The following PLEKHA6 variants were observed in gnomAD, a reference collection of about 807,000 sequenced individuals.
The protein encoded by PLEKHA6 is pleckstrin homology domain containing A6, also known as pleckstrin homology domain-containing family A member 6.
A neutral mutation model predicts 116.7 loss-of-function variants in PLEKHA6; 60 were observed. The observed-to-expected ratio is 0.51, with a 90% confidence interval of 0.42 to 0.64. The LOEUF is 0.64. PLEKHA6 is among the 30% of genes least tolerant of loss of function. The probability of loss-of-function intolerance (pLI) is 0.00; values close to 1 mark genes in which losing one functional copy is unlikely to be tolerated. For missense variants in PLEKHA6, 1,338 were observed against 1,422.7 expected (o/e 0.94, Z 0.96); for synonymous variants, 489 against 556.1 (o/e 0.88, Z 1.70).
intron 1 of PLEKHA6, chr1:204,347,130 C>G (rs574170763): frequency 5.6e-4 from 633 of 1,125,136 alleles, no homozygotes; most frequent in Non-Finnish European, 7.8e-4. Context: ...TACCCATTCC[C>G]TTGATGTCTA....
chr1:204,376,237 A>T (rs2103424394), intron 1 of PLEKHA6, among the ~76,000 whole-genome samples: 1 of 152,304 alleles, frequency 6.6e-6, no homozygotes, highest in Admixed American at 6.5e-5. Context: ...AGAATGAACC[A>T]CTTCATCAGT....
intron 1 of PLEKHA6, chr1:204,309,607 C>T (rs766911797): frequency 2.3e-5 from 7 of 308,750 alleles, no homozygotes; most frequent in Non-Finnish European, 2.8e-5. Context: ...CTGTCATGTT[C>T]GCATGACAAC....
rs762214999 is a variant in PLEKHA6, at chr1:204,241,701, C to T, written c.2286G>A (p.Gln762=). Residue 762 remains glutamine (Q), a synonymous_variant, in exon 16 of 23, where the codon CAG becomes CAA. Transcript: ENST00000272203. ...AGAAAGTACCTTTGTTGAGAGCTGC[C>T]TGCTTCTCTGCCTCTACCTCTTGCC... The part of the protein sequence containing the change: ...PTRQEVEAEK[Q]AALNKVGVVP... 3 of 1,602,078 alleles carry T rather than the reference C, an allele frequency of 1.9e-6. No homozygotes were observed. The highest frequency in any genetic ancestry group is 1.1e-5 in the South Asian group (1 of 88,618).
chr1:204,327,384 C>A (rs1672279389), intron 1 of PLEKHA6, among the ~76,000 whole-genome samples: 1 of 152,140 alleles, frequency 6.6e-6, no homozygotes, highest in Admixed American at 6.5e-5. Context: ...GTCTCTAGTG[C>A]CCCACATGTG....
chr1:204,290,716 G>T (rs762495799), intron 1 of PLEKHA6, among the ~76,000 whole-genome samples: 1 of 152,148 alleles, frequency 6.6e-6, no homozygotes, highest in Admixed American at 6.5e-5. Flanking sequence ...CAGGCCAGGC[G>T]CAGTGGCTCA....
At chr1:204,282,705 A>G in intron 1 of PLEKHA6, 1 of 985,412 alleles carries the variant, frequency 1.0e-6, no homozygotes, top group Non-Finnish European at 1.2e-6. Context: ...TGCCATGGGC[A>G]GGCTGGGAGA....
chr1:204,313,447 G>A (rs1311625461), intron 1 of PLEKHA6: 3 of 416,778 alleles, frequency 7.2e-6, no homozygotes, highest in Non-Finnish European at 9.7e-6. Flanking sequence ...TGGCCTCGGG[G>A]ACTCCCTGAA....
intron 21 of PLEKHA6, among the ~76,000 whole-genome samples, chr1:204,227,718 T>C (rs553340254): frequency 6.6e-6 from 1 of 152,356 alleles, no homozygotes; most frequent in Non-Finnish European, 1.5e-5. Flanking sequence ...TCCCTGCAAC[T>C]GAGAAATATT....
At chr1:204,275,797 AGCCAGTGGAGGG>A in intron 1 of PLEKHA6, 4 of 724,956 alleles carry the variant, frequency 5.5e-6, no homozygotes, top group Non-Finnish European at 6.8e-6. Flanking sequence ...TCAAGCATTC[AGCCAGTGGAGGG>A]ACTAGATGAG....
intron 1 of PLEKHA6, chr1:204,282,579 A>G: frequency 1.1e-6 from 1 of 920,320 alleles, no homozygotes; most frequent in South Asian, 5.0e-5. Context: ...CCAGGCCAGC[A>G]TCCTTTCTGG....
chr1:204,319,306 A>G (rs1284569363), intron 1 of PLEKHA6, among the ~76,000 whole-genome samples: 13 of 152,206 alleles, frequency 8.5e-5, no homozygotes, highest in Admixed American at 7.9e-4. Flanking sequence ...TCCGTGTCCT[A>G]TTCACTGTCC....
intron 1 of PLEKHA6, among the ~76,000 whole-genome samples, chr1:204,288,398 C>G (rs539573470): frequency 6.6e-5 from 10 of 152,242 alleles, no homozygotes; most frequent in Non-Finnish European, 1.3e-4. Flanking sequence ...GGAGAGCCCT[C>G]TAGTCCCACC....
chr1:204,363,128 T>G (rs921229971), upstream of PLEKHA6, among the ~76,000 whole-genome samples: 9 of 152,288 alleles, frequency 5.9e-5, no homozygotes, highest in African/African-American at 2.2e-4. Flanking sequence ...CAGAACTGCT[T>G]TTGGTGGCTC....
chr1:204,340,841 C>T (rs1406092805), intron 1 of PLEKHA6, among the ~76,000 whole-genome samples: 1 of 152,204 alleles, frequency 6.6e-6, no homozygotes, highest in African/African-American at 2.4e-5. Flanking sequence ...ATCCCCGAAA[C>T]AGACTTACAC....
At chr1:204,282,669 G>T (rs1432996752) in intron 1 of PLEKHA6, 22 of 985,370 alleles carry the variant, frequency 2.2e-5, no homozygotes, top group Non-Finnish European at 2.5e-5. Flanking sequence ...CAATTGTGGG[G>T]AACTGCGATT....
chr1:204,257,915 C>A lies in PLEKHA6; in HGVS notation c.1008-46G>T. The stretch of plus-strand genomic sequence containing the variant: ...TAATGAAGGCAGACAACACGGGCAC[C>A]CCTCCACCCACCCCAGCCCCACCTC... On this transcript the variant is annotated intron_variant, in intron 8 of 22. Transcript: ENST00000272203. This position sits in a 1 kb window ranked among gnomAD's most constrained non-coding sequence, Gnocchi z 6.5. 1 of 1,547,168 alleles carries A rather than the reference C, an allele frequency of 6.5e-7. No homozygotes were observed. Among genetic ancestry groups the A allele is most frequent in the South Asian group, 1.2e-5 (1 of 81,040 alleles).
chr1:204,310,057 C>A (rs1321270892), intron 1 of PLEKHA6, among the ~76,000 whole-genome samples: 1 of 151,552 alleles, frequency 6.6e-6, no homozygotes, highest in Non-Finnish European at 1.5e-5. Flanking sequence ...AAATATAAAC[C>A]CCATTCTTAG....
intron 1 of PLEKHA6, among the ~76,000 whole-genome samples, chr1:204,372,486 G>T (rs182072142): frequency 1.3e-5 from 2 of 152,160 alleles, no homozygotes; most frequent in South Asian, 4.1e-4. Flanking sequence ...CTCAGGTCAC[G>T]TGGATCACCC....
chr1:204,302,631 C>T (rs141654460), intron 1 of PLEKHA6, among the ~76,000 whole-genome samples: 1,584 of 152,320 alleles, frequency 0.01, 26 homozygotes, highest in African/African-American at 0.035. Context: ...AATACCAGCA[C>T]TTTGGGAGGC....
Sources: gnomAD v4.1 joint callset for allele counts (sites outside exome capture counted in the v4.1 genomes callset) on GRCh38, gnomAD v4.1.1 for gene constraint, Gnocchi (gnomAD v3.1) non-coding constraint, MANE v1.5 for transcripts, NCBI Gene and HGNC (gene_info 2026-07-23, HGNC 2026-07-21) for gene names.